The following CHST11 variants were observed in gnomAD, a reference collection of about 807,000 sequenced individuals.
CHST11 encodes the protein C4S-1.
A neutral mutation model predicts 30.4 loss-of-function variants in CHST11; 9 were observed. That is an observed-to-expected ratio of 0.30 (90% CI 0.18 to 0.52). CHST11 has a LOEUF of 0.52. CHST11 is among the 20% of genes least tolerant of loss of function. The pLI is 0.97. For synonymous variants in CHST11, 152 were observed against 187.8 expected, an observed-to-expected ratio of 0.81 and a Z score of 1.56; for missense variants, 348 against 460.6, an observed-to-expected ratio of 0.76 and a Z score of 2.24.
chr12:104,750,454 T>TTTTTTTTTTTTTTTTTTTG (rs1566064735), intron 2 of CHST11, among the ~76,000 whole-genome samples: 3 of 122,160 alleles, frequency 2.5e-5, no homozygotes, highest in African/African-American at 3.4e-5. Context: ...TTTTTTTTTT[T>TTTTTTTTTTTTTTTTTTTG]TTGTTGAGAC....
Position 104,601,830 on chromosome 12 carries a change from A to G in CHST11, c.119-76A>G. The G allele has an allele frequency of 3.3e-6, 4 of 1,197,432 alleles. No individual in the cohort carries two copies. The South Asian group carries it at 5.0e-5, about 15-fold the overall frequency. The allele number at this position is 1,197,432 out of a possible 1,614,324, so 74.2% of individuals were successfully genotyped here. ...CTTTCCTGCCTGTTTCTTCTTCCCT[A>G]CTCTGTGCCTTTTTCTTTGACAGAC... On this transcript the variant is annotated intron_variant, in intron 1 of 2. Transcript: ENST00000303694.
At chr12:104,565,414 G>C (rs560249423) in intron 1 of CHST11, among the ~76,000 whole-genome samples, 1 of 151,728 alleles carries the variant, frequency 6.6e-6, no homozygotes, top group East Asian at 1.9e-4. Flanking sequence ...CTACAGGTAC[G>C]TGCCACCATG....
intron 1 of CHST11, among the ~76,000 whole-genome samples, chr12:104,463,695 CA>C (rs1387424535): frequency 6.6e-6 from 1 of 152,040 alleles, no homozygotes; most frequent in African/African-American, 2.4e-5. Context: ...GTGTGAGAGG[CA>C]GGGGTTGCAA....
rs1178228929 is a variant in CHST11, at chr12:104,676,359, C to T, written c.204+74368C>T. 6.6e-6 allele frequency among the ~76,000 whole-genome samples: 1 copy of T among 152,174 alleles called. No homozygotes were observed. Among genetic ancestry groups the T allele is most frequent in the Non-Finnish European group, 1.5e-5 (1 of 68,030 alleles). On this transcript the variant is annotated intron_variant, in intron 2 of 2. Coordinates refer to ENST00000303694, the MANE Select transcript of CHST11 (RefSeq NM_018413.6). The surrounding 1 kb of genome is among the most constrained non-coding windows in gnomAD (Gnocchi z 4.4). ...TAGATGCCTTCTGAATTTTTTGGCT[C>T]ATGGCCGCATCTCCTCAACTCTGCT...
intron 1 of CHST11, among the ~76,000 whole-genome samples, chr12:104,473,675 G>C (rs903139709): frequency 1.3e-5 from 2 of 152,118 alleles, no homozygotes; most frequent in Non-Finnish European, 2.9e-5. Context: ...TTCCTGGGCT[G>C]TGGGAGAGGG....
intron 1 of CHST11, among the ~76,000 whole-genome samples, chr12:104,535,889 C>T (rs1237240983): frequency 6.6e-6 from 1 of 152,174 alleles, no homozygotes; most frequent in African/African-American, 2.4e-5. Flanking sequence ...AAAGCAGATT[C>T]ATTCTAGAGT....
intron 2 of CHST11, among the ~76,000 whole-genome samples, chr12:104,607,721 G>A (rs1397883460): frequency 2.0e-5 from 3 of 152,156 alleles, no homozygotes; most frequent in Non-Finnish European, 4.4e-5. Context: ...TGCCAGGGGC[G>A]GATCGGAGAG....
intron 2 of CHST11, among the ~76,000 whole-genome samples, chr12:104,696,758 T>C (rs952525417): frequency 1.3e-5 from 2 of 152,234 alleles, no homozygotes; most frequent in African/African-American, 4.8e-5. Flanking sequence ...CCTCTCAACC[T>C]CTTATGAATT....
chr12:104,679,765 G>A lies in CHST11; in HGVS notation c.205-77184G>A, dbSNP rs59497452. On this transcript the variant is annotated intron_variant, in intron 2 of 2. Coordinates refer to ENST00000303694, the MANE Select transcript of CHST11 (RefSeq NM_018413.6). The stretch of plus-strand genomic sequence containing the variant: ...TTCATGGTAGAGCACAGAGAAAGAC[G>A]CAATGGAGCCCCGCCCCATGGAAAA... Among the ~76,000 whole-genome samples the A allele has an allele frequency of 6.1e-3, 925 of 152,230 alleles. 9 individuals carry two copies. Among genetic ancestry groups the A allele is most frequent in the African/African-American group, 0.021 (882 of 41,516 alleles).
intron 2 of CHST11, among the ~76,000 whole-genome samples, chr12:104,610,555 G>A (rs75402954): frequency 0.012 from 1,813 of 152,272 alleles, 34 homozygotes; most frequent in African/African-American, 0.041. Flanking sequence ...GTTATTTCCT[G>A]AATTACCCTC....
intron 1 of CHST11, among the ~76,000 whole-genome samples, chr12:104,561,064 A>G (rs1477667182): frequency 1.3e-5 from 2 of 152,202 alleles, no homozygotes; most frequent in Non-Finnish European, 2.9e-5. Flanking sequence ...ACTTTTTCCC[A>G]TCTGCGAGAT....
At chr12:104,652,890 C>T (rs182869433) in intron 2 of CHST11, among the ~76,000 whole-genome samples, 3 of 152,332 alleles carry the variant, frequency 2.0e-5, no homozygotes, top group Non-Finnish European at 4.4e-5. Context: ...GCTCCCTACA[C>T]GCTCCCTACA....
At chr12:104,521,564 C>G (rs549826021) in intron 1 of CHST11, among the ~76,000 whole-genome samples, 1 of 152,308 alleles carries the variant, frequency 6.6e-6, no homozygotes, top group South Asian at 2.1e-4. Flanking sequence ...GCTAGCTCTC[C>G]TGACGCTTAG....
At chr12:104,474,238 G>C (rs1421678342) in intron 1 of CHST11, among the ~76,000 whole-genome samples, 1 of 152,166 alleles carries the variant, frequency 6.6e-6, no homozygotes, top group African/African-American at 2.4e-5. Flanking sequence ...ATTATATATA[G>C]GGTTTTCTGT....
chr12:104,732,121 A>G (rs2040263035), intron 2 of CHST11, among the ~76,000 whole-genome samples: 1 of 152,216 alleles, frequency 6.6e-6, no homozygotes, highest in South Asian at 2.1e-4. Flanking sequence ...ATTTGGGTAC[A>G]CCTCAGCATC....
chr12:104,704,471 C>G (rs78070110), intron 2 of CHST11, among the ~76,000 whole-genome samples: 5,952 of 152,180 alleles, frequency 0.039, 401 homozygotes, highest in East Asian at 0.34. Flanking sequence ...TCAGGTTCTG[C>G]CCAGGCATTC....
chr12:104,726,145 C>T (rs2040214850), intron 2 of CHST11, among the ~76,000 whole-genome samples: 1 of 152,210 alleles, frequency 6.6e-6, no homozygotes, highest in Non-Finnish European at 1.5e-5. Flanking sequence ...TTGCATATTT[C>T]ATAAGGAGTT....
In CHST11 at chr12:104,759,937, T is replaced by A. The variant is rs1055132369; in HGVS notation, c.*2134T>A. 3.9e-5 allele frequency: 6 copies of A among 152,194 alleles called. No homozygotes were observed. Among genetic ancestry groups the A allele is most frequent in the Admixed American group, 3.9e-4 (6 of 15,268 alleles). 9.4% of individuals were successfully genotyped at this position (152,194 alleles called of 1,614,324 possible). On this transcript the variant is annotated 3_prime_UTR_variant, in exon 3 of 3. Transcript: ENST00000303694. ...GTTGTCCAACATTTTCTAATACGCA[T>A]TCTACAGAACACAGGTTCCAGGAGG... is the stretch of plus-strand genomic sequence containing the variant.
At chr12:104,711,898 G>A (rs975721358) in intron 2 of CHST11, among the ~76,000 whole-genome samples, 3 of 152,146 alleles carry the variant, frequency 2.0e-5, no homozygotes, top group Non-Finnish European at 2.9e-5. Context: ...GGAGGCTTCA[G>A]ACTAGTCCAG....
Sources: gnomAD v4.1 joint callset for allele counts (sites outside exome capture counted in the v4.1 genomes callset) on GRCh38, gnomAD v4.1.1 for gene constraint, Gnocchi (gnomAD v3.1) non-coding constraint, MANE v1.5 for transcripts, NCBI Gene and HGNC (gene_info 2026-07-23, HGNC 2026-07-21) for gene names.